GULP1: variants seen among roughly 807,000 people sequenced by gnomAD.
GULP1 encodes the protein GULP PTB domain containing engulfment adaptor 1.
Under a neutral mutation model 40.9 loss-of-function variants are expected in GULP1, and 19 were observed. The ratio of observed to expected loss-of-function variants is 0.46; its 90% CI spans 0.32 to 0.68. The LOEUF is 0.68. GULP1 is among the 30% of genes least tolerant of loss of function. The pLI, the probability that GULP1 is intolerant of heterozygous loss-of-function variation, is 0.03. For missense variants in GULP1, 312 were observed against 362.2 expected, an observed-to-expected ratio of 0.86 and a Z score of 1.12; for synonymous variants, 119 against 117.6, an observed-to-expected ratio of 1.01 and a Z score of -0.08.
intron 1 of GULP1, among the ~76,000 whole-genome samples, chr2:188,320,915 G>GA (rs201678768): frequency 1.2e-3 from 159 of 135,196 alleles, no homozygotes; most frequent in East Asian, 2.7e-3. Context: ...TCCTCCTCCA[G>GA]AAAAAAAAAA....
chr2:188,577,532 A>G (rs1048887316), intron 9 of GULP1, among the ~76,000 whole-genome samples: 3 of 152,140 alleles, frequency 2.0e-5, no homozygotes, highest in Non-Finnish European at 2.9e-5. Context: ...AGATAATTCT[A>G]AAAGCATAAA....
At chr2:188,412,817 A>G (rs2054084288) in intron 2 of GULP1, among the ~76,000 whole-genome samples, 1 of 152,142 alleles carries the variant, frequency 6.6e-6, no homozygotes, top group Admixed American at 6.5e-5. Context: ...AGTCAATCAC[A>G]TATATTATTT....
chr2:188,372,319 G>T (rs1346196558), intron 1 of GULP1, among the ~76,000 whole-genome samples: 1 of 152,014 alleles, frequency 6.6e-6, no homozygotes. Context: ...AAGATTCCTA[G>T]TTGGTCATTT....
chr2:188,308,195 T>G (rs1397651751), intron 1 of GULP1, among the ~76,000 whole-genome samples: 4 of 152,192 alleles, frequency 2.6e-5, no homozygotes, highest in African/African-American at 9.7e-5. Flanking sequence ...AGAGACTGTC[T>G]GTGACTGTCT....
intron 5 of GULP1, among the ~76,000 whole-genome samples, chr2:188,527,802 GAA>G (rs1200504261): frequency 6.6e-6 from 1 of 152,170 alleles, no homozygotes; most frequent in Non-Finnish European, 1.5e-5. Context: ...GCAAAGCCAT[GAA>G]AAGAGAGAAA....
intron 1 of GULP1, among the ~76,000 whole-genome samples, chr2:188,368,925 ATATATATATGTGTG>A (rs1275717033): frequency 2.1e-5 from 1 of 48,210 alleles, no homozygotes; most frequent in African/African-American, 1.5e-4. Context: ...ATATATATGT[ATATATATATGTGTG>A]TATATATATA....
chr2:188,419,730 A>G (rs1475842555), intron 2 of GULP1, among the ~76,000 whole-genome samples: 1 of 151,806 alleles, frequency 6.6e-6, no homozygotes, highest in Non-Finnish European at 1.5e-5. Flanking sequence ...CCACATGTTT[A>G]TTTTGTTGCT....
intron 2 of GULP1, among the ~76,000 whole-genome samples, chr2:188,470,713 T>A (rs1336629494): frequency 6.6e-6 from 1 of 152,190 alleles, no homozygotes; most frequent in Non-Finnish European, 1.5e-5. Context: ...CATATATTTG[T>A]ATAGTTTTCA....
intron 1 of GULP1, among the ~76,000 whole-genome samples, chr2:188,335,647 G>A (rs2042160581): frequency 6.6e-6 from 1 of 152,124 alleles, no homozygotes; most frequent in African/African-American, 2.4e-5. Flanking sequence ...TGACTTCCGT[G>A]TCTATAGTAC....
intron 1 of GULP1, chr2:188,294,132 T>C (rs1171008517): frequency 6.6e-6 from 1 of 152,228 alleles, no homozygotes. Flanking sequence ...TTTGTTGCTG[T>C]TTGTCTCCTT....
intron 3 of GULP1, among the ~76,000 whole-genome samples, chr2:188,480,461 T>C (rs1019578850): frequency 6.6e-6 from 1 of 151,356 alleles, no homozygotes; most frequent in African/African-American, 2.4e-5. Context: ...ATTGTGTTTT[T>C]TTTTTAAATT....
intron 1 of GULP1, among the ~76,000 whole-genome samples, chr2:188,318,742 C>A (rs945610402): frequency 6.6e-6 from 1 of 152,126 alleles, no homozygotes. Context: ...GCATAATCTG[C>A]CCCTTAATTT....
intron 7 of GULP1, among the ~76,000 whole-genome samples, chr2:188,567,902 C>T (rs1207370934): frequency 6.6e-6 from 1 of 152,074 alleles, no homozygotes; most frequent in Non-Finnish European, 1.5e-5. Context: ...TTTAATATTA[C>T]AAATAATCTT....
At chr2:188,549,999 G>A (rs1468003251) in intron 7 of GULP1, among the ~76,000 whole-genome samples, 12 of 151,614 alleles carry the variant, frequency 7.9e-5, no homozygotes, top group African/African-American at 1.9e-4. Context: ...GACTCTTGTC[G>A]TAATCAAATT....
At chr2:188,516,673 T>G (rs1353253027) in intron 4 of GULP1, among the ~76,000 whole-genome samples, 1 of 152,186 alleles carries the variant, frequency 6.6e-6, no homozygotes, top group Non-Finnish European at 1.5e-5. Flanking sequence ...ATATTAAATC[T>G]GATTGCTGGG....
intron 1 of GULP1, among the ~76,000 whole-genome samples, chr2:188,342,935 C>T (rs1021480832): frequency 2.6e-5 from 4 of 151,994 alleles, no homozygotes; most frequent in African/African-American, 9.7e-5. Context: ...TATTTCAGTC[C>T]TAAAACAGTT....
At chr2:188,464,839 G>A (rs2059985958) in intron 2 of GULP1, among the ~76,000 whole-genome samples, 1 of 152,126 alleles carries the variant, frequency 6.6e-6, no homozygotes, top group Non-Finnish European at 1.5e-5. Flanking sequence ...TGTTCCCTAA[G>A]GCCTAATGGC....
intron 1 of GULP1, among the ~76,000 whole-genome samples, chr2:188,352,429 T>C (rs944810740): frequency 1.3e-5 from 2 of 152,144 alleles, no homozygotes; most frequent in Non-Finnish European, 2.9e-5. Context: ...ACTTACTCCA[T>C]TGGCTTTCCT....
intron 2 of GULP1, among the ~76,000 whole-genome samples, chr2:188,399,704 A>AAAC (rs1553540255): frequency 1.3e-5 from 2 of 149,716 alleles, no homozygotes; most frequent in Admixed American, 6.7e-5. Flanking sequence ...AAAAAAAAAA[A>AAAC]AAAAAAAAAA....
Sources: allele counts gnomAD v4.1 joint callset (sites outside exome capture counted in the v4.1 genomes callset), GRCh38; gene constraint gnomAD v4.1.1; transcripts MANE v1.5; gene names NCBI Gene and HGNC (gene_info 2026-07-23, HGNC 2026-07-21).